The following TMEM232 variants were observed in gnomAD, a reference collection of about 807,000 sequenced individuals.
TMEM232 encodes the protein transmembrane protein 232.
In TMEM232, 80 loss-of-function variants were observed where a neutral mutation model predicts 78.8. The ratio of observed to expected loss-of-function variants is 1.01; its 90% CI spans 0.85 to 1.22. The LOEUF is 1.22. Ranked by LOEUF, TMEM232 falls within the 50% of genes most tolerant of loss-of-function variation. The pLI is 0.00. For missense variants in TMEM232, 881 were observed against 742.2 expected (o/e 1.19, Z -2.17); for synonymous variants, 297 against 254.3 (o/e 1.17, Z -1.60).
chr5:110,645,082 A>G (rs1787296200), intron 2 of TMEM232, among the ~76,000 whole-genome samples: 1 of 151,694 alleles, frequency 6.6e-6, no homozygotes, highest in African/African-American at 2.4e-5. Flanking sequence ...TTAGATTAGT[A>G]ATGAAAAACC....
In TMEM232 at chr5:110,606,251, C is replaced by T. The variant is rs1781528673; in HGVS notation, c.939G>A (p.Glu313=). ...AGCAGGCCATGTTTAATTTGGCAGC[C>T]TCCCCAAGGACCAGTAAAGCCAGTA... The part of the protein sequence containing the change: ...DSVLALLVLG[E]AAKLNMACLK... The change falls in exon 9 of 14, where the codon GAG becomes GAA. Residue 313 remains glutamate (E), a synonymous_variant. Transcript: ENST00000455884. The T allele has an allele frequency of 1.0e-5, 16 of 1,543,468 alleles. No homozygotes were observed. The highest frequency in any genetic ancestry group is 1.2e-5 in the Non-Finnish European group (14 of 1,141,290).
At chr5:110,686,305 C>G (rs763608688) in intron 1 of TMEM232, among the ~76,000 whole-genome samples, 1 of 152,004 alleles carries the variant, frequency 6.6e-6, no homozygotes, top group African/African-American at 2.4e-5. Context: ...CATGCAGAAT[C>G]CAGCCACCAT....
intron 11 of TMEM232, among the ~76,000 whole-genome samples, chr5:110,550,752 T>G (rs1263649676): frequency 6.6e-6 from 1 of 151,916 alleles, no homozygotes; most frequent in Non-Finnish European, 1.5e-5. Flanking sequence ...TAATGATATG[T>G]ATCAATTACC....
intron 5 of TMEM232, among the ~76,000 whole-genome samples, chr5:110,636,429 G>T (rs1241465025): frequency 6.6e-6 from 1 of 151,938 alleles, no homozygotes; most frequent in Non-Finnish European, 1.5e-5. Context: ...CAAACACATA[G>T]AAATAATAAA....
intron 12 of TMEM232, among the ~76,000 whole-genome samples, chr5:110,459,745 G>A (rs1350400642): frequency 1.3e-5 from 2 of 151,992 alleles, no homozygotes; most frequent in Non-Finnish European, 2.9e-5. Flanking sequence ...TTTATGATGG[G>A]GAAATCTATT....
intron 7 of TMEM232, among the ~76,000 whole-genome samples, chr5:110,622,537 C>G (rs1476211546): frequency 6.6e-6 from 1 of 152,026 alleles, no homozygotes. Flanking sequence ...TTTTTTATGG[C>G]TGCATAGTAT....
chr5:110,549,518 G>C (rs1217740981), intron 11 of TMEM232, among the ~76,000 whole-genome samples: 1 of 145,776 alleles, frequency 6.9e-6, no homozygotes, highest in Non-Finnish European at 1.5e-5. Context: ...GGGAGGCTGA[G>C]ACAGTAGAGT....
chr5:110,432,464 C>G (rs1231797749), intron 12 of TMEM232, among the ~76,000 whole-genome samples: 1 of 151,430 alleles, frequency 6.6e-6, no homozygotes, highest in Non-Finnish European at 1.5e-5. Context: ...AACTGGCCCT[C>G]CAAAAAATGC....
chr5:110,700,898 T>C (rs1795371628), intron 1 of TMEM232, among the ~76,000 whole-genome samples: 1 of 151,968 alleles, frequency 6.6e-6, no homozygotes, highest in African/African-American at 2.4e-5. Flanking sequence ...CCACCTTTCC[T>C]AAAGAGCCTT....
upstream of TMEM232, among the ~76,000 whole-genome samples, chr5:110,730,096 C>T (rs1057349311): frequency 3.9e-5 from 6 of 152,166 alleles, no homozygotes; most frequent in African/African-American, 1.4e-4. Flanking sequence ...TAGTAAGTTA[C>T]ACAATTTAAA....
chr5:110,423,965 A>C (rs1756964737), intron 13 of TMEM232, among the ~76,000 whole-genome samples: 1 of 152,140 alleles, frequency 6.6e-6, no homozygotes, highest in Admixed American at 6.5e-5. Flanking sequence ...GTTTAACAAA[A>C]ACTTTATTAG....
At chr5:110,602,584 C>G (rs769810698) in intron 10 of TMEM232, among the ~76,000 whole-genome samples, 47 of 152,050 alleles carry the variant, frequency 3.1e-4, no homozygotes, top group Non-Finnish European at 7.4e-5. Flanking sequence ...AAGTCAAAAC[C>G]ACAATGAGAT....
At chr5:110,700,341 T>G (rs1053463433) in intron 1 of TMEM232, among the ~76,000 whole-genome samples, 5 of 152,068 alleles carry the variant, frequency 3.3e-5, no homozygotes, top group Non-Finnish European at 5.9e-5. Flanking sequence ...ACAGATTGGA[T>G]GAGCAATTGG....
upstream of TMEM232, chr5:110,738,170 TAGGATGAAA>T (rs1799402384): frequency 8.0e-7 from 1 of 1,249,994 alleles, no homozygotes; most frequent in Non-Finnish European, 1.0e-6. Flanking sequence ...TGAAGGAACA[TAGGATGAAA>T]CCATGGAAGT....
intron 1 of TMEM232, among the ~76,000 whole-genome samples, chr5:110,709,226 T>C (rs980566143): frequency 1.3e-5 from 2 of 152,156 alleles, no homozygotes; most frequent in South Asian, 2.1e-4. Context: ...AGCACACAGA[T>C]ACATAAGGCA....
At chr5:110,489,764 G>A (rs1426886631) in intron 12 of TMEM232, among the ~76,000 whole-genome samples, 2 of 151,980 alleles carry the variant, frequency 1.3e-5, no homozygotes, top group Non-Finnish European at 2.9e-5. Flanking sequence ...AATATGCACA[G>A]ATAGAAAAAT....
At chr5:110,667,853 C>T (rs1790799269) in intron 1 of TMEM232, 1 of 152,036 alleles carries the variant, frequency 6.6e-6, no homozygotes, top group African/African-American at 2.4e-5. Flanking sequence ...CTTGTAAATT[C>T]CTTTTCATGT....
At chr5:110,592,010 ACACCCAGAAAAAAT>A (rs1779603638) in intron 10 of TMEM232, among the ~76,000 whole-genome samples, 1 of 152,100 alleles carries the variant, frequency 6.6e-6, no homozygotes, top group African/African-American at 2.4e-5. Flanking sequence ...TGCATGCAGG[ACACCCAGAAAAAAT>A]CATTTTCTCT....
Position 110,618,540 on chromosome 5 carries a change from A to G in TMEM232, c.791T>C (p.Leu264Pro). Residue 264 changes from leucine (L) to proline (P), a missense_variant, in exon 8 of 14, where the codon CTG (leucine) becomes CCG (proline). By Grantham distance (98) the Leu-to-Pro change is moderately conservative (BLOSUM62 -3). Coordinates refer to ENST00000455884, the MANE Select transcript of TMEM232 (RefSeq NM_001039763.4). The part of the protein sequence containing the change: ...SDMGGYEINH[L>P]LWHCVAAWSC... ...CCAAGCAGCAACACAGTGCCAGAGC[A>G]GGTGGTTAATTTCATATCCTCCCTG... The G allele has an allele frequency of 6.5e-7, 1 of 1,549,294 alleles. No individual in the cohort carries two copies.
Sources: gnomAD v4.1 joint callset for allele counts (sites outside exome capture counted in the v4.1 genomes callset) on GRCh38, gnomAD v4.1.1 for gene constraint, MANE v1.5 for transcripts, NCBI Gene and HGNC (gene_info 2026-07-23, HGNC 2026-07-21) for gene names.